CSMD2: variants seen among roughly 807,000 people sequenced by gnomAD.
The protein encoded by CSMD2 is CUB and Sushi multiple domains 2.
In CSMD2, 130 loss-of-function variants were observed where a neutral mutation model predicts 398.5. The ratio of observed to expected loss-of-function variants is 0.33; its 90% CI spans 0.28 to 0.38. The LOEUF is 0.38. CSMD2 is among the 10% of genes least tolerant of loss of function. The probability of loss-of-function intolerance (pLI) is 1.00; values close to 1 mark genes in which losing one functional copy is unlikely to be tolerated. For synonymous variants in CSMD2, 1,828 were observed against 1,908.5 expected, an observed-to-expected ratio of 0.96 and a Z score of 1.10; for missense variants, 3,829 against 4,764.9, an observed-to-expected ratio of 0.80 and a Z score of 5.78.
chr1:33,563,871 T>C (rs1172183394), intron 53 of CSMD2, among the ~76,000 whole-genome samples: 3 of 152,290 alleles, frequency 2.0e-5, no homozygotes, highest in African/African-American at 4.8e-5. Context: ...TGGTTGACAT[T>C]GGAAACCTTG....
chr1:33,622,031 T>C (rs1641805539), intron 37 of CSMD2, 136 bp downstream of exon 37: 3 of 706,526 alleles, frequency 4.2e-6, no homozygotes, highest in Non-Finnish European at 7.6e-6. Flanking sequence ...GGCTTTAGCA[T>C]CTTCACCTAG....
intron 1 of CSMD2, among the ~76,000 whole-genome samples, chr1:34,098,205 T>C (rs1462939979): frequency 1.5e-5 from 2 of 130,946 alleles, no homozygotes; most frequent in Non-Finnish European, 3.2e-5. Context: ...TAGGTGGGAA[T>C]TGAACAATGA....
chr1:33,721,821 A>G (rs192624077), intron 19 of CSMD2, among the ~76,000 whole-genome samples: 4 of 152,392 alleles, frequency 2.6e-5, no homozygotes, highest in Non-Finnish European at 4.4e-5. Flanking sequence ...TACAAATAGT[A>G]TATTTTAGAT....
In CSMD2 at chr1:33,670,405, C is replaced by T. The variant is rs1444099959; in HGVS notation, c.4053-7313G>A. ...GGGACCCCTGTGGTTCATCCAAACTCACCCACTGTCCTTGCCAAGCATCTG... is the reference window on the plus strand; with the variant it reads ...GGGACCCCTGTGGTTCATCCAAACTTACCCACTGTCCTTGCCAAGCATCTG... On this transcript the variant is annotated intron_variant, in intron 25 of 70. Coordinates refer to ENST00000373381, the MANE Select transcript of CSMD2 (RefSeq NM_001281956.2). Among the ~76,000 whole-genome samples the T allele has an allele frequency of 5.3e-5, 8 of 152,218 alleles. 1 individual carries two copies. The East Asian group carries it at 1.5e-3, about 29-fold the overall frequency.
chr1:33,962,709 A>G (rs957876536), intron 3 of CSMD2, among the ~76,000 whole-genome samples: 3 of 151,964 alleles, frequency 2.0e-5, no homozygotes, highest in Non-Finnish European at 4.4e-5. Flanking sequence ...TGCCTGGAAT[A>G]ATCTTCCTCC....
At chr1:33,564,417 C>T (rs1034939170) in intron 53 of CSMD2, among the ~76,000 whole-genome samples, 1 of 152,160 alleles carries the variant, frequency 6.6e-6, no homozygotes, top group African/African-American at 2.4e-5. Context: ...CATTCTCCAC[C>T]CAGACCCCGA....
intron 22 of CSMD2, among the ~76,000 whole-genome samples, chr1:33,705,797 C>T (rs1047765714): frequency 4.6e-5 from 7 of 151,846 alleles, no homozygotes; most frequent in East Asian, 3.9e-4. Flanking sequence ...AGTGCAGTGG[C>T]GTGATCCCTA....
intron 12 of CSMD2, among the ~76,000 whole-genome samples, chr1:33,776,635 G>T (rs1403696042): frequency 2.0e-5 from 3 of 152,082 alleles, no homozygotes; most frequent in Non-Finnish European, 4.4e-5. Context: ...GCAGCCCTTG[G>T]CCACTCAGTT....
intron 4 of CSMD2, among the ~76,000 whole-genome samples, chr1:33,934,278 A>G (rs533895055): frequency 5.6e-4 from 85 of 152,352 alleles, no homozygotes; most frequent in African/African-American, 1.8e-3. Context: ...GAATTTAGAG[A>G]TGAGCGTTAC....
chr1:33,724,149 C>A, intron 19 of CSMD2, 48 bp downstream of exon 19: 1 of 1,375,362 alleles, frequency 7.3e-7, no homozygotes, highest in South Asian at 1.2e-5. Context: ...GAACTTGGGT[C>A]CCTGACCTCG....
chr1:33,895,729 G>A (rs1039184897), intron 5 of CSMD2, among the ~76,000 whole-genome samples: 3 of 152,172 alleles, frequency 2.0e-5, no homozygotes, highest in African/African-American at 4.8e-5. Context: ...GGGGGATGCC[G>A]CATCTCATCC....
At chr1:33,585,669 A>G (rs1265188515) in intron 46 of CSMD2, among the ~76,000 whole-genome samples, 5 of 152,150 alleles carry the variant, frequency 3.3e-5, no homozygotes, top group Admixed American at 3.3e-4. Flanking sequence ...TCCTGCCTCT[A>G]CCAGGTCTGC....
chr1:34,059,284 C>G (rs548250142), intron 2 of CSMD2, among the ~76,000 whole-genome samples: 6 of 152,136 alleles, frequency 3.9e-5, no homozygotes, highest in Non-Finnish European at 8.8e-5. Flanking sequence ...AGGGGTGGAG[C>G]GAGACCCATG....
At chr1:33,987,776 A>T (rs1371724790) in intron 3 of CSMD2, among the ~76,000 whole-genome samples, 1 of 152,084 alleles carries the variant, frequency 6.6e-6, no homozygotes, top group African/African-American at 2.4e-5. Flanking sequence ...CCTATTCCAG[A>T]CCTGCTCTTC....
At position 33,989,031 on chromosome 1, in the gene CSMD2, T is replaced by C. The variant is rs1246907795; in HGVS notation, c.517+43563A>G. On this transcript the variant is annotated intron_variant, in intron 3 of 70. Transcript: ENST00000373381. ...CTCTCTCCATATATATATATATATA[T>C]ATATATATATATATATATATATATA... Among the ~76,000 whole-genome samples, 55 of 35,624 alleles carry C rather than the reference T, an allele frequency of 1.5e-3. No homozygotes were observed. In the South Asian group the frequency reaches 0.017, roughly 11 times the overall value. The allele number at this position is 35,624 out of a possible 152,430, so 23.4% of individuals were successfully genotyped here.
chr1:33,709,302 T>G (rs754936109), intron 21 of CSMD2, 44 bp from the exon 22 acceptor site: 1 of 1,556,828 alleles, frequency 6.4e-7, no homozygotes, highest in Non-Finnish European at 8.7e-7. Flanking sequence ...CCCCATCAGC[T>G]GCATCCAGAA....
chr1:33,592,514 T>G, intron 44 of CSMD2: 1 of 717,218 alleles, frequency 1.4e-6, no homozygotes, highest in Non-Finnish European at 2.6e-6. Context: ...AAGAGAACAT[T>G]ATGAGTGGCA....
At chr1:33,835,890 G>A (rs967609694) in intron 6 of CSMD2, among the ~76,000 whole-genome samples, 5 of 152,036 alleles carry the variant, frequency 3.3e-5, no homozygotes, top group African/African-American at 1.2e-4. Context: ...GTCCAGCTTC[G>A]TTCCGTTGCT....
In CSMD2 at chr1:34,092,454, C is replaced by T. The variant is rs115077656; in HGVS notation, c.188-3261G>A. Reference sequence around the variant, plus strand: ...TCCCGTCCACAGCTCCCAGCGTGAGCGAGGCAGAAGAGGGGTGATTTCTGC... The same window carrying T: ...TCCCGTCCACAGCTCCCAGCGTGAGTGAGGCAGAAGAGGGGTGATTTCTGC... On this transcript the variant is annotated intron_variant, in intron 1 of 70. Coordinates refer to ENST00000373381, the MANE Select transcript of CSMD2 (RefSeq NM_001281956.2). Among the ~76,000 whole-genome samples the T allele has an allele frequency of 2.1e-4, 32 of 152,252 alleles. No homozygotes were observed. In the East Asian group the frequency reaches 5.6e-3, roughly 27 times the overall value.
Sources: gnomAD v4.1 joint callset for allele counts (sites outside exome capture counted in the v4.1 genomes callset) on GRCh38, gnomAD v4.1.1 for gene constraint, MANE v1.5 for transcripts, NCBI Gene and HGNC (gene_info 2026-07-23, HGNC 2026-07-21) for gene names.